The following TMEM87A variants were observed in gnomAD, a reference collection of about 807,000 sequenced individuals.
The protein encoded by TMEM87A is transmembrane protein 87A.
A neutral mutation model predicts 90.0 loss-of-function variants in TMEM87A; 50 were observed. The ratio of observed to expected loss-of-function variants is 0.56; its 90% CI spans 0.44 to 0.70. TMEM87A has a LOEUF of 0.70. Ranked by LOEUF, TMEM87A falls within the 30% of genes least tolerant of loss-of-function variation. The pLI, the probability that TMEM87A is intolerant of heterozygous loss-of-function variation, is 0.00. For missense variants in TMEM87A, 577 were observed against 660.5 expected (o/e 0.87, Z 1.39); for synonymous variants, 226 against 226.7 (o/e 1.00, Z 0.03).
chr15:42,211,845 A>G lies in TMEM87A; in HGVS notation c.1627-96T>C, dbSNP rs2050293760. 6 of 1,100,296 alleles carry G rather than the reference A, an allele frequency of 5.5e-6. No individual in the cohort carries two copies. The South Asian group carries it at 7.1e-5, about 13-fold the overall frequency. 68.2% of individuals were successfully genotyped at this position (1,100,296 alleles called of 1,614,324 possible). A position where few individuals can be genotyped will look rare whatever the true frequency, so the allele number is the denominator to read the frequency against. ...ACTATCCAAGCAAACATCTTCCACG[A>G]GTACTTTATGTTAATTAAATGTTTA... is the stretch of plus-strand genomic sequence containing the variant. On this transcript the variant is annotated intron_variant, in intron 19 of 19. Transcript: ENST00000389834.
chr15:42,213,434 T>C (rs889119129), intron 19 of TMEM87A, among the ~76,000 whole-genome samples: 2 of 152,246 alleles, frequency 1.3e-5, no homozygotes, highest in African/African-American at 4.8e-5. Flanking sequence ...AGAGATGGAC[T>C]GTGAAAATGT....
chr15:42,255,877 C>A (rs2051170426), intron 6 of TMEM87A, among the ~76,000 whole-genome samples: 1 of 151,848 alleles, frequency 6.6e-6, no homozygotes, highest in Non-Finnish European at 1.5e-5. Context: ...TCAAGGGATC[C>A]TCCCACCTCA....
At chr15:42,213,788 CTG>C (rs2050334709) in intron 19 of TMEM87A, among the ~76,000 whole-genome samples, 1 of 152,042 alleles carries the variant, frequency 6.6e-6, no homozygotes. Context: ...GGAAAGGTAA[CTG>C]TTTTTTTTTC....
At chr15:42,257,678 C>A (rs2051209602) in intron 6 of TMEM87A, among the ~76,000 whole-genome samples, 1 of 152,042 alleles carries the variant, frequency 6.6e-6, no homozygotes, top group Non-Finnish European at 1.5e-5. Context: ...TATAAATGTA[C>A]ACAGAAATAT....
intron 10 of TMEM87A, 140 bp downstream of exon 10, chr15:42,236,180 C>G: frequency 1.3e-6 from 1 of 748,186 alleles, no homozygotes; most frequent in East Asian, 2.6e-5. Context: ...TACAATGCTA[C>G]AAAATTTCAA....
intron 15 of TMEM87A, among the ~76,000 whole-genome samples, chr15:42,226,105 T>G (rs1391526129): frequency 6.6e-6 from 1 of 152,118 alleles, no homozygotes; most frequent in Non-Finnish European, 1.5e-5. Context: ...GTTCAAGCGA[T>G]TCTCCTGCCT....
intron 2 of TMEM87A, chr15:42,271,576 A>G (rs1168299593): frequency 6.6e-6 from 1 of 152,250 alleles, no homozygotes; most frequent in Non-Finnish European, 1.5e-5. Context: ...AACCACCTAT[A>G]GCATTCAGTA....
chr15:42,255,351 T>A (rs956129284), intron 6 of TMEM87A, among the ~76,000 whole-genome samples: 1 of 152,140 alleles, frequency 6.6e-6, no homozygotes, highest in Non-Finnish European at 1.5e-5. Context: ...AGGTTGGTCT[T>A]GAACTCGTGA....
intron 6 of TMEM87A, among the ~76,000 whole-genome samples, chr15:42,254,094 A>T (rs1272743074): frequency 6.6e-6 from 1 of 151,580 alleles, no homozygotes; most frequent in Non-Finnish European, 1.5e-5. Flanking sequence ...CTAGCTTGTG[A>T]ACAGAACTGT....
At chr15:42,230,921 A>C (rs1167714588) in intron 12 of TMEM87A, among the ~76,000 whole-genome samples, 1 of 152,196 alleles carries the variant, frequency 6.6e-6, no homozygotes, top group Non-Finnish European at 1.5e-5. Context: ...AATCAAGATG[A>C]AATGCTCACT....
chr15:42,225,337 A>G (rs1019501100), intron 15 of TMEM87A, among the ~76,000 whole-genome samples: 4 of 152,160 alleles, frequency 2.6e-5, no homozygotes, highest in Non-Finnish European at 5.9e-5. Context: ...AAATAAAGCT[A>G]GGCAGTTCCT....
chr15:42,226,648 T>G, intron 15 of TMEM87A, 158 bp downstream of exon 15: 3 of 655,356 alleles, frequency 4.6e-6, no homozygotes, highest in East Asian at 2.5e-5. Flanking sequence ...ATCATGAAGT[T>G]AAGAGGAGAG....
At chr15:42,236,558 A>G (rs2050774917) in intron 9 of TMEM87A, 139 bp from the exon 10 acceptor site, 1 of 682,296 alleles carries the variant, frequency 1.5e-6, no homozygotes. Context: ...CCTCTTCCAC[A>G]GTTTTTACAG....
intron 7 of TMEM87A, among the ~76,000 whole-genome samples, chr15:42,241,009 TTTATTGG>T (rs1210051635): frequency 6.6e-6 from 1 of 152,216 alleles, no homozygotes; most frequent in African/African-American, 2.4e-5. Flanking sequence ...TTAATAAAGT[TTTATTGG>T]AACACAGCCA....
At chr15:42,268,895 G>A (rs1272918489) in intron 2 of TMEM87A, among the ~76,000 whole-genome samples, 1 of 152,104 alleles carries the variant, frequency 6.6e-6, no homozygotes, top group Non-Finnish European at 1.5e-5. Context: ...TCCACTGAGA[G>A]CAAAATTGCT....
intron 15 of TMEM87A, among the ~76,000 whole-genome samples, chr15:42,223,050 G>C (rs1269917556): frequency 6.6e-6 from 1 of 152,144 alleles, no homozygotes; most frequent in Non-Finnish European, 1.5e-5. Flanking sequence ...GAAAATATAT[G>C]CAATACTTAG....
chr15:42,270,393 G>C (rs1197722363), intron 2 of TMEM87A, among the ~76,000 whole-genome samples: 2 of 151,768 alleles, frequency 1.3e-5, no homozygotes, highest in African/African-American at 2.4e-5. Context: ...AAAAAATAAA[G>C]TGCCTCAAAT....
intron 6 of TMEM87A, among the ~76,000 whole-genome samples, chr15:42,250,801 G>C (rs530290358): frequency 6.6e-6 from 1 of 152,256 alleles, no homozygotes; most frequent in Non-Finnish European, 1.5e-5. Context: ...CTAGGTGGGG[G>C]AAGTTCTCCT....
chr15:42,259,086 C>A, intron 6 of TMEM87A: 1 of 675,466 alleles, frequency 1.5e-6, no homozygotes, highest in Non-Finnish European at 2.7e-6. Flanking sequence ...AAACTGTTAA[C>A]AGCTGATAAA....
Sources: gnomAD v4.1 joint callset for allele counts (sites outside exome capture counted in the v4.1 genomes callset) on GRCh38, gnomAD v4.1.1 for gene constraint, MANE v1.5 for transcripts, NCBI Gene and HGNC (gene_info 2026-07-23, HGNC 2026-07-21) for gene names.